The following ZBTB16 variants were observed in gnomAD, a reference collection of about 807,000 sequenced individuals.
ZBTB16 encodes zinc finger and BTB domain containing 16.
In ZBTB16, 8 loss-of-function variants were observed where a neutral mutation model predicts 56.8. The observed-to-expected ratio is 0.14, with a 90% CI of 0.08 to 0.25. The LOEUF (loss-of-function observed/expected upper bound fraction) is 0.25, where lower values mean the gene tolerates loss of function less well. ZBTB16 is among the 10% of genes least tolerant of loss of function. The pLI, the probability that ZBTB16 is intolerant of heterozygous loss-of-function variation, is 1.00. For synonymous variants in ZBTB16, 363 were observed against 368.5 expected, an observed-to-expected ratio of 0.98 and a Z score of 0.17; for missense variants, 625 against 903.0, an observed-to-expected ratio of 0.69 and a Z score of 3.95.
intron 2 of ZBTB16, among the ~76,000 whole-genome samples, chr11:114,099,259 C>T (rs569238101): frequency 3.3e-5 from 5 of 152,238 alleles, no homozygotes; most frequent in African/African-American, 1.2e-4. Context: ...AATTACACTT[C>T]TAAACAGTGG....
chr11:114,196,325 G>A (rs1190986892), intron 4 of ZBTB16, among the ~76,000 whole-genome samples: 2 of 152,146 alleles, frequency 1.3e-5, no homozygotes, highest in Non-Finnish European at 1.5e-5. Flanking sequence ...CCAGGAACCT[G>A]GGTATTCCCT....
intron 2 of ZBTB16, among the ~76,000 whole-genome samples, chr11:114,070,987 T>G (rs1939325039): frequency 6.6e-6 from 1 of 152,238 alleles, no homozygotes; most frequent in Admixed American, 6.5e-5. Context: ...TAGACCTAGC[T>G]CTGCGTTTTT....
chr11:114,165,857 C>A (rs369782556), intron 3 of ZBTB16, among the ~76,000 whole-genome samples: 187 of 152,290 alleles, frequency 1.2e-3, no homozygotes, highest in African/African-American at 4.3e-3. Flanking sequence ...GAACCTGGGA[C>A]ATCTGTGCTC....
chr11:114,219,672 G>C (rs1234268751), intron 4 of ZBTB16, among the ~76,000 whole-genome samples: 1 of 150,624 alleles, frequency 6.6e-6, no homozygotes, highest in Non-Finnish European at 1.5e-5. Context: ...AAAAAAAAAA[G>C]TCTTTTAAAC....
intron 2 of ZBTB16, among the ~76,000 whole-genome samples, chr11:114,129,732 G>A (rs1048725127): frequency 6.6e-6 from 1 of 152,208 alleles, no homozygotes; most frequent in Admixed American, 6.5e-5. Flanking sequence ...TAAACAAGCT[G>A]GCAAGCCGCA....
Position 114,064,428 on chromosome 11 carries a change from C to G in ZBTB16, c.1128C>G (p.Pro376=). 1 of 1,614,114 alleles carries G rather than the reference C, an allele frequency of 6.2e-7. No homozygotes were observed. The highest frequency in any genetic ancestry group is 8.5e-7 in the Non-Finnish European group (1 of 1,180,028). ...MDFSTYGGLL[P]QGFIQRELFS... ...TCAGCACCTATGGGGGGCTGCTGCCCCAGGGCTTCATCCAGAGGGAGCTGT... is the reference window on the plus strand; with the variant it reads ...TCAGCACCTATGGGGGGCTGCTGCCGCAGGGCTTCATCCAGAGGGAGCTGT... Residue 376 remains proline, a synonymous_variant, in exon 2 of 7, where the codon CCC becomes CCG. Transcript: ENST00000335953. This position sits in a 1 kb window ranked among gnomAD's most constrained non-coding sequence, Gnocchi z 4.2.
chr11:114,221,669 G>T (rs1026552313), intron 4 of ZBTB16, among the ~76,000 whole-genome samples: 2 of 152,122 alleles, frequency 1.3e-5, no homozygotes, highest in Admixed American at 6.5e-5. Context: ...CTTGGGGGTT[G>T]TTTCTCTCCC....
intron 2 of ZBTB16, among the ~76,000 whole-genome samples, chr11:114,124,557 C>CAAAAAAAAAAAAAAAACA (rs1381254014): frequency 4.9e-5 from 2 of 41,058 alleles, no homozygotes; most frequent in African/African-American, 1.1e-4. Flanking sequence ...AAAAAAAAAC[C>CAAAAAAAAAAAAAAAACA]AAAAAAAAAA....
At chr11:114,170,480 G>T (rs1942929508) in intron 3 of ZBTB16, among the ~76,000 whole-genome samples, 1 of 152,178 alleles carries the variant, frequency 6.6e-6, no homozygotes. Context: ...TGTAGTCAGG[G>T]GCTCCTTTTG....
At chr11:114,235,629 C>CCTTTCTTTCTTTCTTTCTTTCTTT (rs746433237) in intron 4 of ZBTB16, among the ~76,000 whole-genome samples, 10 of 97,852 alleles carry the variant, frequency 1.0e-4, no homozygotes, top group Middle Eastern at 5.7e-3. Flanking sequence ...CCTCTCCCTT[C>CCTTTCTTTCTTTCTTTCTTTCTTT]CTTTCTTTCT....
chr11:114,156,941 G>A (rs1942429656), intron 3 of ZBTB16, among the ~76,000 whole-genome samples: 2 of 152,136 alleles, frequency 1.3e-5, no homozygotes, highest in Admixed American at 6.5e-5. Context: ...TCTGCCCCAC[G>A]AGGCGTGGAA....
chr11:114,141,379 G>A (rs1445801899), intron 2 of ZBTB16, among the ~76,000 whole-genome samples: 2 of 152,190 alleles, frequency 1.3e-5, no homozygotes, highest in East Asian at 3.8e-4. Context: ...ATAGTGATTT[G>A]TTGACATATT....
chr11:114,131,008 A>C (rs1317490270), intron 2 of ZBTB16, among the ~76,000 whole-genome samples: 1 of 152,152 alleles, frequency 6.6e-6, no homozygotes, highest in East Asian at 1.9e-4. Context: ...GCATCCTTTG[A>C]TGTTTCATGA....
intron 3 of ZBTB16, among the ~76,000 whole-genome samples, chr11:114,174,907 G>A (rs967277459): frequency 2.6e-5 from 4 of 152,188 alleles, no homozygotes; most frequent in African/African-American, 9.6e-5. Flanking sequence ...GGCATAGAAG[G>A]CTGTCTAAGC....
At chr11:114,068,823 G>T (rs1438351691) in intron 2 of ZBTB16, among the ~76,000 whole-genome samples, 2 of 152,172 alleles carry the variant, frequency 1.3e-5, no homozygotes, top group Non-Finnish European at 2.9e-5. Context: ...GCTCATCCAG[G>T]CCAGGAGCAC....
At chr11:114,235,693 T>TCTTTCTA (rs10669266) in intron 4 of ZBTB16, among the ~76,000 whole-genome samples, 10,416 of 113,820 alleles carry the variant, frequency 0.092, 598 homozygotes, top group Middle Eastern at 0.14. Context: ...TTTCTTTCTT[T>TCTTTCTA]TCTTTCTTTC....
At chr11:114,214,805 T>A (rs1161628649) in intron 4 of ZBTB16, among the ~76,000 whole-genome samples, 1 of 152,196 alleles carries the variant, frequency 6.6e-6, no homozygotes, top group African/African-American at 2.4e-5. Flanking sequence ...AGTTTCGCCA[T>A]GTTGGCCAGC....
At chr11:114,187,866 C>T (rs1943399906) in intron 4 of ZBTB16, 1 of 153,456 alleles carries the variant, frequency 6.5e-6, no homozygotes, top group Non-Finnish European at 1.4e-5. Flanking sequence ...ATTAGATTCT[C>T]ATAGGAGCAC....
At chr11:114,154,699 G>C (rs1299127408) in intron 2 of ZBTB16, among the ~76,000 whole-genome samples, 6 of 152,302 alleles carry the variant, frequency 3.9e-5, no homozygotes, top group South Asian at 2.1e-4. Flanking sequence ...GAGAACATGG[G>C]GGGGTGGTAC....
Sources: allele counts gnomAD v4.1 joint callset (sites outside exome capture counted in the v4.1 genomes callset), GRCh38; gene constraint gnomAD v4.1.1; non-coding constraint Gnocchi (gnomAD v3.1); transcripts MANE v1.5; gene names NCBI Gene and HGNC (gene_info 2026-07-23, HGNC 2026-07-21).